The following TATDN2 variants were observed in gnomAD, a reference collection of about 807,000 sequenced individuals.
TATDN2 encodes the protein 3'-5' RNA nuclease TATDN2.
In TATDN2, 44 loss-of-function variants were observed where a neutral mutation model predicts 60.3. The observed-to-expected ratio is 0.73, with a 90% confidence interval of 0.57 to 0.94. The LOEUF (loss-of-function observed/expected upper bound fraction) is 0.94. Among genes scored for constraint, TATDN2 ranks in the 40% least tolerant of loss-of-function variants. The pLI is 0.00. For missense variants in TATDN2, 997 were observed against 948.0 expected (o/e 1.05, Z -0.68); for synonymous variants, 399 against 355.8 (o/e 1.12, Z -1.37).
At chr3:10,259,512 G>A (rs1016338711) in intron 2 of TATDN2, among the ~76,000 whole-genome samples, 2 of 152,220 alleles carry the variant, frequency 1.3e-5, no homozygotes, top group Non-Finnish European at 2.9e-5. Flanking sequence ...GCAAGAGGGG[G>A]CTGAGGCTTC....
At chr3:10,266,727 T>A (rs2544003) in intron 3 of TATDN2, among the ~76,000 whole-genome samples, 1 of 152,214 alleles carries the variant, frequency 6.6e-6, no homozygotes, top group African/African-American at 2.4e-5. Flanking sequence ...CCATCAGGCA[T>A]GGTGTTGTTC....
rs146349610 is a variant in TATDN2 at position 10,273,643 on chromosome 3, G to C, written c.1833+2628G>C. ...TGGAAGGTCTGTATCTGGGCAAGATGATAGGGTGACAGACCCTGCTCATTA... is the reference window on the plus strand; with the variant it reads ...TGGAAGGTCTGTATCTGGGCAAGATCATAGGGTGACAGACCCTGCTCATTA... On this transcript the variant is annotated intron_variant, in intron 4 of 7. Transcript: ENST00000448281. 2.3e-3 allele frequency among the ~76,000 whole-genome samples: 356 copies of C among 151,980 alleles called. 1 individual carries two copies. The highest frequency in any genetic ancestry group is 0.01 in the Middle Eastern group (3 of 292).
At chr3:10,251,914 C>T (rs1451200763) in intron 2 of TATDN2, among the ~76,000 whole-genome samples, 1 of 150,154 alleles carries the variant, frequency 6.7e-6, no homozygotes, top group Non-Finnish European at 1.5e-5. Flanking sequence ...TTTGGGAGGC[C>T]GAGGTGGGCA....
At chr3:10,264,336 C>T (rs1426199269) in intron 3 of TATDN2, among the ~76,000 whole-genome samples, 1 of 152,160 alleles carries the variant, frequency 6.6e-6, no homozygotes, top group Admixed American at 6.5e-5. Flanking sequence ...GTTATTTGGC[C>T]ATCTGCTTTC....
At chr3:10,257,397 G>A (rs1176519444) in intron 2 of TATDN2, among the ~76,000 whole-genome samples, 4 of 150,238 alleles carry the variant, frequency 2.7e-5, no homozygotes, top group Non-Finnish European at 5.9e-5. Flanking sequence ...TTGGGAGGCC[G>A]AGGTGGGTGG....
At position 10,265,809 on chromosome 3, in the gene TATDN2, T is replaced by C. The variant is rs140227361; in HGVS notation, c.949-4322T>C. On this transcript the variant is annotated intron_variant, in intron 3 of 7. Transcript: ENST00000448281. ...TAACTTTTCCAAGCATCAACTTTTG[T>C]CCTTTGCTGGGTGGGGAAAGGGCAG... Among the ~76,000 whole-genome samples the C allele has an allele frequency of 8.0e-3, 1,217 of 151,512 alleles. 15 individuals are homozygous for C. The highest frequency in any genetic ancestry group is 0.028 in the African/African-American group (1,169 of 41,448).
At position 10,260,494 on chromosome 3, in the gene TATDN2, A is replaced by G. The variant is rs761566077; in HGVS notation, c.772A>G (p.Met258Val). The G allele has an allele frequency of 6.2e-7, 1 of 1,614,070 alleles. No individual in the cohort carries two copies. The highest frequency in any genetic ancestry group is 1.1e-5 in the South Asian group (1 of 91,074). ...GAAAGACGCAACCCCAGAGGTCAGCATGGAGGAGGATAAGACAGTGCCAGA... is the reference window on the plus strand; with the variant it reads ...GAAAGACGCAACCCCAGAGGTCAGCGTGGAGGAGGATAAGACAGTGCCAGA... ...KEKDATPEVS[M>V]EEDKTVPERS... Residue 258 changes from methionine (M) to valine (V), a missense_variant, in exon 3 of 8, where the codon ATG (methionine) becomes GTG (valine). By Grantham distance (21) the Met-to-Val change is conservative (BLOSUM62 1). Transcript: ENST00000448281.
chr3:10,277,994 C>T (rs1025039934), intron 5 of TATDN2, among the ~76,000 whole-genome samples: 2 of 152,096 alleles, frequency 1.3e-5, no homozygotes, highest in Non-Finnish European at 2.9e-5. Context: ...GTGTTAGAAG[C>T]ATTTCCTATC....
chr3:10,270,026 A>G (rs978068405), intron 3 of TATDN2, 105 bp from the exon 4 acceptor site: 4 of 1,423,982 alleles, frequency 2.8e-6, no homozygotes, highest in Non-Finnish European at 3.8e-6. Flanking sequence ...AGCCATCACC[A>G]TGGCCAGAAG....
chr3:10,258,276 C>CTTTG (rs937654216), intron 2 of TATDN2, among the ~76,000 whole-genome samples: 20 of 151,254 alleles, frequency 1.3e-4, no homozygotes, highest in African/African-American at 3.9e-4. Context: ...GCACCTAAGC[C>CTTTG]TTTGTTTGTT....
intron 2 of TATDN2, among the ~76,000 whole-genome samples, chr3:10,255,509 C>G (rs545532257): frequency 6.6e-6 from 1 of 151,636 alleles, no homozygotes; most frequent in South Asian, 2.1e-4. Context: ...TATTATTATA[C>G]TCCTAATTTT....
chr3:10,269,141 C>G (rs1698520624), intron 3 of TATDN2, among the ~76,000 whole-genome samples: 1 of 152,108 alleles, frequency 6.6e-6, no homozygotes, highest in South Asian at 2.1e-4. Context: ...AGGCTGTAAA[C>G]TGGCACACCT....
Position 10,248,893 on chromosome 3 carries a change from C to T in TATDN2, c.-181C>T. On this transcript the variant is annotated 5_prime_UTR_variant, in exon 1 of 8. Transcript: ENST00000448281. ...CTTCGTAGCCCCGGAAGCGCTTAGG[C>T]ATCTCCGAAGTAGCGCTGGGCAAAG... The T allele has an allele frequency of 2.8e-6, 1 of 356,908 alleles. No homozygotes were observed. Among genetic ancestry groups the T allele is most frequent in the Non-Finnish European group, 5.0e-6 (1 of 199,944 alleles). 22.1% of individuals were successfully genotyped at this position (356,908 alleles called of 1,614,324 possible).
rs953921013 is a variant in TATDN2, at chr3:10,279,202, T to C, written c.*39-19T>C. 2.5e-5 allele frequency: 22 copies of C among 870,448 alleles called. No individual in the cohort carries two copies. Among genetic ancestry groups the C allele is most frequent in the Non-Finnish European group, 3.6e-5 (21 of 588,728 alleles). The allele number at this position is 870,448 out of a possible 1,614,324, so 53.9% of individuals were successfully genotyped here. A position where few individuals can be genotyped will look rare whatever the true frequency, so the allele number is the denominator to read the frequency against. On this transcript the variant is annotated intron_variant, in intron 7 of 7. Coordinates refer to ENST00000448281, the MANE Select transcript of TATDN2 (RefSeq NM_014760.4). The stretch of plus-strand genomic sequence containing the variant: ...TGACATGGTTTGGAACCTTCTTCTT[T>C]TTCTCTTCCACCCTCCAGGGCGACC...
intron 2 of TATDN2, among the ~76,000 whole-genome samples, chr3:10,255,395 G>A (rs1450051363): frequency 5.3e-5 from 8 of 152,020 alleles, no homozygotes; most frequent in South Asian, 2.1e-4. Flanking sequence ...TTTGAATCCC[G>A]GTTCTGCCAC....
chr3:10,275,053 T>A (rs938409276), intron 4 of TATDN2, among the ~76,000 whole-genome samples: 2 of 151,034 alleles, frequency 1.3e-5, no homozygotes, highest in East Asian at 3.9e-4. Context: ...TGGCATGATC[T>A]CAGCTCACTG....
At chr3:10,271,773 C>T (rs1322229547) in intron 4 of TATDN2, among the ~76,000 whole-genome samples, 10 of 151,998 alleles carry the variant, frequency 6.6e-5, no homozygotes, top group Admixed American at 2.0e-4. Flanking sequence ...GGCAGTGGCA[C>T]GATCTCGGCT....
intron 2 of TATDN2, among the ~76,000 whole-genome samples, chr3:10,252,331 C>G (rs2125171115): frequency 6.6e-6 from 1 of 152,024 alleles, no homozygotes; most frequent in Middle Eastern, 3.4e-3. Flanking sequence ...AGAATTTATA[C>G]AGGGCTCTAC....
intron 2 of TATDN2, among the ~76,000 whole-genome samples, chr3:10,254,092 C>T (rs1279402011): frequency 1.3e-5 from 2 of 152,240 alleles, no homozygotes; most frequent in Non-Finnish European, 2.9e-5. Flanking sequence ...AGCTTTTGCA[C>T]ATCCCCTTTC....
Sources: gnomAD v4.1 joint callset for allele counts (sites outside exome capture counted in the v4.1 genomes callset) on GRCh38, gnomAD v4.1.1 for gene constraint, MANE v1.5 for transcripts, NCBI Gene and HGNC (gene_info 2026-07-23, HGNC 2026-07-21) for gene names.